Variants in STX7 observed in about 807,000 individuals in gnomAD.
STX7 encodes the protein syntaxin-7.
A neutral mutation model predicts 39.6 loss-of-function variants in STX7; 34 were observed. The ratio of observed to expected loss-of-function variants is 0.86; its 90% CI spans 0.65 to 1.14. The LOEUF (loss-of-function observed/expected upper bound fraction) is 1.14, where lower values mean the gene tolerates loss of function less well. Among genes scored for constraint, STX7 ranks in the 50% most tolerant of loss-of-function variants. The pLI, the probability that STX7 is intolerant of heterozygous loss-of-function variation, is 0.00. For missense variants in STX7, 284 were observed against 310.4 expected, an observed-to-expected ratio of 0.92 and a Z score of 0.64; for synonymous variants, 119 against 99.1, an observed-to-expected ratio of 1.20 and a Z score of -1.19.
chr6:132,491,438 AACAG>A (rs1190222030), intron 2 of STX7, among the ~76,000 whole-genome samples: 1 of 152,164 alleles, frequency 6.6e-6, no homozygotes, highest in Non-Finnish European at 1.5e-5. Flanking sequence ...GAAGCACAAT[AACAG>A]ACAGACGCAG....
intron 2 of STX7, among the ~76,000 whole-genome samples, chr6:132,478,085 T>A (rs1774918192): frequency 6.6e-6 from 1 of 151,906 alleles, no homozygotes; most frequent in Admixed American, 6.6e-5. Context: ...CTATAAATAA[T>A]TTAGAAAATG....
intron 2 of STX7, among the ~76,000 whole-genome samples, chr6:132,484,366 GA>G (rs1017662322): frequency 6.6e-6 from 1 of 152,012 alleles, no homozygotes; most frequent in Non-Finnish European, 1.5e-5. Context: ...GATTATTTAA[GA>G]AAAAAGCTTT....
chr6:132,502,082 C>T (rs1775577982), intron 2 of STX7, among the ~76,000 whole-genome samples: 1 of 152,092 alleles, frequency 6.6e-6, no homozygotes, highest in African/African-American at 2.4e-5. Flanking sequence ...GGTAAAAAAC[C>T]CAGAAATCAC....
Position 132,505,060 on chromosome 6 carries a change from G to C in STX7, c.-58-1472C>G, listed in dbSNP as rs145804956. ...AGAGAGGAATGGCCTAACATTTCTC[G>C]CACATCTGCGACACAAAAAGTATTT... On this transcript the variant is annotated intron_variant, in intron 1 of 9. Coordinates refer to ENST00000367941, the MANE Select transcript of STX7 (RefSeq NM_003569.3). 1.9e-4 allele frequency among the ~76,000 whole-genome samples: 29 copies of C among 152,296 alleles called. No individual in the cohort carries two copies. In the East Asian group the frequency reaches 5.4e-3, roughly 28 times the overall value.
chr6:132,448,182 C>G lies in STX7; in HGVS notation c.*12576G>C, dbSNP rs1460288568. ...GGACACTTTCCCCACATATACATTT[C>G]CTGAGTTATGTAAAATGTTGCTAGT... On this transcript the variant is annotated 3_prime_UTR_variant, in exon 10 of 10. Coordinates refer to ENST00000367941, the MANE Select transcript of STX7 (RefSeq NM_003569.3). 6.6e-6 allele frequency: 1 copy of G among 152,168 alleles called. No individual in the cohort carries two copies. Among genetic ancestry groups the G allele is most frequent in the East Asian group, 1.9e-4 (1 of 5,194 alleles). The allele number at this position is 152,168 out of a possible 1,614,324, so 9.4% of individuals were successfully genotyped here. A position where few individuals can be genotyped will look rare whatever the true frequency, so the allele number is the denominator to read the frequency against.
intron 3 of STX7, among the ~76,000 whole-genome samples, chr6:132,473,906 T>C (rs976559443): frequency 6.6e-6 from 1 of 152,052 alleles, no homozygotes. Context: ...TGTAAATCTC[T>C]GGAAATCATA....
chr6:132,487,592 A>G (rs182950758), intron 2 of STX7, among the ~76,000 whole-genome samples: 2 of 152,088 alleles, frequency 1.3e-5, no homozygotes, highest in East Asian at 1.9e-4. Context: ...ATGTATACCT[A>G]TGTAACAACC....
chr6:132,490,625 T>C (rs1038681504), intron 2 of STX7, among the ~76,000 whole-genome samples: 11 of 152,116 alleles, frequency 7.2e-5, no homozygotes, highest in Non-Finnish European at 1.6e-4. Flanking sequence ...GGAAGCCGTA[T>C]GGGTGGGGCG....
At chr6:132,491,798 T>C (rs1240292153) in intron 2 of STX7, among the ~76,000 whole-genome samples, 1 of 152,094 alleles carries the variant, frequency 6.6e-6, no homozygotes, top group Non-Finnish European at 1.5e-5. Flanking sequence ...CTCCTGCATG[T>C]CCAGCTCACT....
chr6:132,488,722 G>A (rs1318544312), intron 2 of STX7, among the ~76,000 whole-genome samples: 1 of 152,130 alleles, frequency 6.6e-6, no homozygotes, highest in Non-Finnish European at 1.5e-5. Flanking sequence ...GCCCGTAATT[G>A]GGAGGGAGGA....
intron 1 of STX7, among the ~76,000 whole-genome samples, chr6:132,510,216 T>G (rs916843649): frequency 6.6e-6 from 1 of 152,182 alleles, no homozygotes; most frequent in African/African-American, 2.4e-5. Flanking sequence ...TTTCAAATAC[T>G]TAGAAGAAAG....
rs1774290758 is a variant in STX7 at position 132,458,081 on chromosome 6, T to C, written c.*2677A>G. 1 of 152,246 alleles carries C rather than the reference T, an allele frequency of 6.6e-6. No homozygotes were observed. Among genetic ancestry groups the C allele is most frequent in the African/African-American group, 2.4e-5 (1 of 41,470 alleles). 9.4% of individuals were successfully genotyped at this position (152,246 alleles called of 1,614,324 possible). The stretch of plus-strand genomic sequence containing the variant: ...GCCTTTAAAGGCACTTATTTATCAT[T>C]GTAGGTGTGTCTAAACAATTGATAT... On this transcript the variant is annotated 3_prime_UTR_variant, in exon 10 of 10. Transcript: ENST00000367941.
rs1163718645 is a variant in STX7 at position 132,464,049 on chromosome 6, C to T, written c.637G>A (p.Ala213Thr). 3 of 1,614,080 alleles carry T rather than the reference C, an allele frequency of 1.9e-6. No homozygotes were observed. Among genetic ancestry groups the T allele is most frequent in the East Asian group, 2.2e-5 (1 of 44,878 alleles). ...TTTGCTTGCTGAACGTGCACCTCTG[C>T]ATTTTCCACATTGGCTTCTATGCTA... ...IDSIEANVEN[A>T]EVHVQQANQQ... Residue 213 changes from alanine (A) to threonine (T), a missense_variant, in exon 9 of 10, where the codon GCA (alanine) becomes ACA (threonine). Ala to Thr is a moderately conservative substitution (Grantham distance 58). Coordinates refer to ENST00000367941, the MANE Select transcript of STX7 (RefSeq NM_003569.3).
intron 2 of STX7, among the ~76,000 whole-genome samples, chr6:132,479,461 C>T (rs1774961632): frequency 6.6e-6 from 1 of 152,206 alleles, no homozygotes; most frequent in African/African-American, 2.4e-5. Context: ...GGCCTTGCTA[C>T]TGAGCCCTGG....
intron 8 of STX7, 59 bp downstream of exon 8, chr6:132,468,344 A>G (rs1457936967): frequency 2.5e-5 from 33 of 1,297,200 alleles, no homozygotes; most frequent in Non-Finnish European, 3.4e-5. Flanking sequence ...AGAAAGTTAC[A>G]GCAGGTAAAG....
Position 132,460,428 on chromosome 6 carries a change from C to T in STX7, c.*330G>A, listed in dbSNP as rs1582642508. On this transcript the variant is annotated 3_prime_UTR_variant, in exon 10 of 10. Transcript: ENST00000367941. ...CAGGGAGATGCAAACAGAATACACA[C>T]ACCTTTAAATTTACGAATTCCCAAA... 2 of 181,018 alleles carry T rather than the reference C, an allele frequency of 1.1e-5. No individual in the cohort carries two copies. The highest frequency in any genetic ancestry group is 2.9e-4 in the East Asian group (2 of 6,784). 11.2% of individuals were successfully genotyped at this position (181,018 alleles called of 1,614,324 possible).
chr6:132,489,023 G>A (rs1313698355), intron 2 of STX7, among the ~76,000 whole-genome samples: 1 of 151,776 alleles, frequency 6.6e-6, no homozygotes, highest in Non-Finnish European at 1.5e-5. Context: ...CCAACATGGC[G>A]AAAACCCATC....
Position 132,457,020 on chromosome 6 carries a change from G to C in STX7, c.*3738C>G, listed in dbSNP as rs1008565316. 4 of 152,264 alleles carry C rather than the reference G, an allele frequency of 2.6e-5. No homozygotes were observed. The highest frequency in any genetic ancestry group is 5.9e-5 in the Non-Finnish European group (4 of 68,092). The allele number at this position is 152,264 out of a possible 1,614,324, so 9.4% of individuals were successfully genotyped here. A position where few individuals can be genotyped will look rare whatever the true frequency, so the allele number is the denominator to read the frequency against. ...GGAGCTATTAACAGCTGACAGCTGGGGACAGCTCCCTGAGACACACTGTCA... is the reference window on the plus strand; with the variant it reads ...GGAGCTATTAACAGCTGACAGCTGGCGACAGCTCCCTGAGACACACTGTCA... On this transcript the variant is annotated 3_prime_UTR_variant, in exon 10 of 10. Transcript: ENST00000367941.
intron 2 of STX7, among the ~76,000 whole-genome samples, chr6:132,502,383 T>C (rs1274678779): frequency 2.6e-5 from 4 of 152,106 alleles, no homozygotes; most frequent in South Asian, 2.1e-4. Context: ...GTTCAGGTAA[T>C]GCCCCGAGGG....
Sources: allele counts gnomAD v4.1 joint callset (sites outside exome capture counted in the v4.1 genomes callset), GRCh38; gene constraint gnomAD v4.1.1; transcripts MANE v1.5; gene names NCBI Gene and HGNC (gene_info 2026-07-23, HGNC 2026-07-21).